ARID5B: variants seen among roughly 807,000 people sequenced by gnomAD.
ARID5B encodes AT-rich interaction domain 5B, also known as AT-rich interactive domain-containing protein 5B.
ARID5B carries 13 observed loss-of-function variants against 97.2 expected under a neutral mutation model. The observed-to-expected ratio is 0.13, with a 90% confidence interval of 0.09 to 0.21. The LOEUF (loss-of-function observed/expected upper bound fraction) is 0.21. ARID5B is among the 10% of genes least tolerant of loss of function. ARID5B has a pLI of 1.00. For missense variants in ARID5B, 1,210 were observed against 1,465.3 expected (o/e 0.83, Z 2.84); for synonymous variants, 556 against 570.3 (o/e 0.97, Z 0.36).
At chr10:62,043,713 G>A (rs12357548) in intron 4 of ARID5B, among the ~76,000 whole-genome samples, 64,032 of 152,026 alleles carry the variant, frequency 0.42, 14,749 homozygotes, top group Non-Finnish European at 0.54. Context: ...AGAGAGAGAC[G>A]GCGGATCAGG....
At chr10:61,918,757 G>T (rs1398731777) in intron 2 of ARID5B, among the ~76,000 whole-genome samples, 2 of 152,070 alleles carry the variant, frequency 1.3e-5, no homozygotes, top group Non-Finnish European at 2.9e-5. Flanking sequence ...TAGGGGCCAG[G>T]CACGGTGACT....
chr10:61,988,806 A>G (rs1838881767), intron 3 of ARID5B, among the ~76,000 whole-genome samples: 1 of 152,198 alleles, frequency 6.6e-6, no homozygotes, highest in African/African-American at 2.4e-5. Context: ...CACCTGTGAC[A>G]ACTAAGCCCT....
chr10:61,988,149 A>G (rs897785744), intron 3 of ARID5B, among the ~76,000 whole-genome samples: 1 of 152,246 alleles, frequency 6.6e-6, no homozygotes, highest in African/African-American at 2.4e-5. Flanking sequence ...GCACATTAGA[A>G]GGTGCCGGAG....
At chr10:61,990,710 C>A (rs1838912103) in intron 3 of ARID5B, among the ~76,000 whole-genome samples, 1 of 152,146 alleles carries the variant, frequency 6.6e-6, no homozygotes, top group South Asian at 2.1e-4. Context: ...GAAAATATAA[C>A]CCTTCCCAGA....
intron 9 of ARID5B, among the ~76,000 whole-genome samples, chr10:62,087,296 C>T (rs1485301219): frequency 2.8e-3 from 3 of 1,080 alleles, no homozygotes; most frequent in African/African-American, 6.3e-3. Context: ...GAGACTCTAT[C>T]TCAAAAAAAA....
chr10:61,969,405 T>A (rs1838592777), intron 3 of ARID5B, among the ~76,000 whole-genome samples: 1 of 152,142 alleles, frequency 6.6e-6, no homozygotes, highest in South Asian at 2.1e-4. Context: ...ATATGCATTA[T>A]GCACACTGTT....
chr10:61,986,883 C>T (rs191653035), intron 3 of ARID5B, among the ~76,000 whole-genome samples: 10 of 152,254 alleles, frequency 6.6e-5, no homozygotes, highest in African/African-American at 2.4e-4. Context: ...GTTAAAGACC[C>T]CCCAGGAAGT....
At position 62,000,792 on chromosome 10, in the gene ARID5B, C is replaced by A. The variant is rs1839067473; in HGVS notation, c.733+471C>A. ...TACTGTATGGTGGATAAATAGATAA[C>A]CACTTTAGTACTGTACAGTAGATAG... On this transcript the variant is annotated intron_variant, in intron 4 of 9. Coordinates refer to ENST00000279873, the MANE Select transcript of ARID5B (RefSeq NM_032199.3). This position sits in a 1 kb window ranked among gnomAD's most constrained non-coding sequence, Gnocchi z 4.4. 6.6e-6 allele frequency among the ~76,000 whole-genome samples: 1 copy of A among 151,712 alleles called. No homozygotes were observed. The highest frequency in any genetic ancestry group is 2.4e-5 in the African/African-American group (1 of 41,238).
intron 3 of ARID5B, among the ~76,000 whole-genome samples, chr10:61,983,481 C>T (rs940060365): frequency 1.3e-5 from 2 of 152,074 alleles, no homozygotes; most frequent in Non-Finnish European, 1.5e-5. Flanking sequence ...TGTGAAAAGT[C>T]GCTAAATGGA....
At position 62,093,651 on chromosome 10, in the gene ARID5B, C is replaced by CTTTT. The variant is rs57902062; in HGVS notation, c.*645_*648dup. ...CCATTTTCTCCCAGTTCCTTCTCGT[C>CTTTT]TTTTTTTTTTTTTTTTTTTTTTTTT... On this transcript the variant is annotated 3_prime_UTR_variant, in exon 10 of 10. Coordinates refer to ENST00000279873, the MANE Select transcript of ARID5B (RefSeq NM_032199.3). 30 of 86,988 alleles carry CTTTT rather than the reference C, an allele frequency of 3.4e-4. No individual in the cohort carries two copies. Among genetic ancestry groups the CTTTT allele is most frequent in the East Asian group, 1.1e-3 (9 of 7,978 alleles). The allele number at this position is 86,988 out of a possible 1,614,324, so 5.4% of individuals were successfully genotyped here.
At chr10:61,902,093 C>A in intron 1 of ARID5B, 66 bp from the exon 2 acceptor site, 3 of 1,582,278 alleles carry the variant, frequency 1.9e-6, no homozygotes, top group Non-Finnish European at 2.6e-6. Flanking sequence ...GTAAATGTGT[C>A]TGGGAATAGA....
intron 8 of ARID5B, among the ~76,000 whole-genome samples, chr10:62,076,548 C>T (rs1346796856): frequency 9.8e-5 from 10 of 102,306 alleles, no homozygotes; most frequent in African/African-American, 2.4e-4. Flanking sequence ...GGCTACAGAG[C>T]GAGACTCTGT....
chr10:62,071,567 A>AAAGAG (rs1554849729), intron 8 of ARID5B, among the ~76,000 whole-genome samples: 41,003 of 146,838 alleles, frequency 0.28, 7,128 homozygotes, highest in East Asian at 0.63. Flanking sequence ...AAAAAAAAAA[A>AAAGAG]AGAGAGAAGG....
At chr10:61,991,952 A>T (rs1838931093) in intron 3 of ARID5B, among the ~76,000 whole-genome samples, 1 of 152,156 alleles carries the variant, frequency 6.6e-6, no homozygotes, top group Admixed American at 6.5e-5. Flanking sequence ...GAATCGCTTG[A>T]ACCCAGGAGG....
In ARID5B at chr10:62,092,981, C is replaced by T; in HGVS notation, c.3518C>T (p.Ala1173Val). The stretch of plus-strand genomic sequence containing the variant: ...TTAGCTGCTATAAATCCTCAAGCTG[C>T]CTTTCCATCTTCCCAGCTGTCATCC... ...YPLAAINPQA[A>V]FPSSQLSSVH... The change falls in exon 10 of 10, where the codon GCC (alanine) becomes GTC (valine). Residue 1173 changes from alanine to valine, a missense_variant. Transcript: ENST00000279873. 1 of 1,613,668 alleles carries T rather than the reference C, an allele frequency of 6.2e-7. No individual in the cohort carries two copies. Among genetic ancestry groups the T allele is most frequent in the Non-Finnish European group, 8.5e-7 (1 of 1,179,948 alleles).
chr10:61,918,458 C>T (rs2132766715), intron 2 of ARID5B, among the ~76,000 whole-genome samples: 1 of 152,252 alleles, frequency 6.6e-6, no homozygotes, highest in East Asian at 1.9e-4. Context: ...ACCCTGCCCT[C>T]CCTGGTCAGG....
At chr10:61,963,662 C>A (rs1838504375) in intron 3 of ARID5B, among the ~76,000 whole-genome samples, 1 of 151,778 alleles carries the variant, frequency 6.6e-6, no homozygotes, top group South Asian at 2.1e-4. Flanking sequence ...ACAGAAAGCT[C>A]CATGGAAAAT....
At chr10:62,011,941 G>A (rs980686653) in intron 4 of ARID5B, among the ~76,000 whole-genome samples, 4 of 151,824 alleles carry the variant, frequency 2.6e-5, no homozygotes, top group Non-Finnish European at 4.4e-5. Context: ...TAATTAACCA[G>A]AATCTTCCAT....
chr10:62,001,288 C>T (rs1405929992), intron 4 of ARID5B, among the ~76,000 whole-genome samples: 1 of 152,164 alleles, frequency 6.6e-6, no homozygotes, highest in Non-Finnish European at 1.5e-5. Context: ...TCACCCTACC[C>T]CTTCTCTGGA....
Sources: gnomAD v4.1 joint callset for allele counts (sites outside exome capture counted in the v4.1 genomes callset) on GRCh38, gnomAD v4.1.1 for gene constraint, Gnocchi (gnomAD v3.1) non-coding constraint, MANE v1.5 for transcripts, NCBI Gene and HGNC (gene_info 2026-07-23, HGNC 2026-07-21) for gene names.